The following CD80 variants were observed in gnomAD, a reference collection of about 807,000 sequenced individuals.
CD80 encodes CD80 molecule, also known as T-lymphocyte activation antigen CD80.
In CD80, 13 loss-of-function variants were observed where a neutral mutation model predicts 27.1. The observed-to-expected ratio is 0.48, with a 90% CI of 0.31 to 0.76. The LOEUF (loss-of-function observed/expected upper bound fraction) is 0.76. Ranked by LOEUF, CD80 falls within the 30% of genes least tolerant of loss-of-function variation. The probability of loss-of-function intolerance (pLI) is 0.04; values close to 1 mark genes in which losing one functional copy is unlikely to be tolerated. For synonymous variants in CD80, 125 were observed against 125.5 expected (o/e 1.00, Z 0.03); for missense variants, 277 against 347.9 (o/e 0.80, Z 1.62).
chr3:119,527,120 G>A (rs2082071527), intron 6 of CD80, among the ~76,000 whole-genome samples: 1 of 152,172 alleles, frequency 6.6e-6, no homozygotes, highest in South Asian at 2.1e-4. Flanking sequence ...GTGAGGCACT[G>A]GAAACCATGC....
chr3:119,545,067 G>A (rs2082193414), intron 2 of CD80, among the ~76,000 whole-genome samples, 200 bp from the exon 3 acceptor site: 1 of 152,122 alleles, frequency 6.6e-6, no homozygotes, highest in Non-Finnish European at 1.5e-5. Flanking sequence ...CAACAGGCTG[G>A]GCGTGGTGGC....
intron 4 of CD80, 117 bp from the exon 5 acceptor site, chr3:119,530,054 T>A: frequency 1.5e-6 from 1 of 659,864 alleles, no homozygotes; most frequent in Non-Finnish European, 2.6e-6. Flanking sequence ...AGCTCTCCAG[T>A]ATGCAGCTGC....
chr3:119,542,660 T>G (rs1465496543), intron 3 of CD80, among the ~76,000 whole-genome samples: 1 of 152,196 alleles, frequency 6.6e-6, no homozygotes, highest in African/African-American at 2.4e-5. Context: ...ATCTTGCTTC[T>G]AACCTCCAAG....
chr3:119,546,424 T>C (rs1225079353), intron 2 of CD80, among the ~76,000 whole-genome samples: 1 of 152,210 alleles, frequency 6.6e-6, no homozygotes, highest in African/African-American at 2.4e-5. Context: ...AGATATGTAT[T>C]ATTTTCCCCA....
At chr3:119,549,410 C>T (rs1323073394) in intron 2 of CD80, among the ~76,000 whole-genome samples, 1 of 152,194 alleles carries the variant, frequency 6.6e-6, no homozygotes, top group African/African-American at 2.4e-5. Flanking sequence ...GGTCATTCTT[C>T]CTAGGCTCTT....
chr3:119,526,159 G>A lies in CD80; in HGVS notation c.*39-410C>T, dbSNP rs540005758. On this transcript the variant is annotated intron_variant, in intron 6 of 6. Transcript: ENST00000264246. The stretch of plus-strand genomic sequence containing the variant: ...ACTCTTCTATGTGTGGGGCTCTCAG[G>A]CATGGTTGCTTTTCTCAATAAACCT... Among the ~76,000 whole-genome samples the A allele has an allele frequency of 5.3e-5, 8 of 152,174 alleles. No homozygotes were observed. In the East Asian group the frequency reaches 1.5e-3, roughly 29 times the overall value.
intron 2 of CD80, among the ~76,000 whole-genome samples, chr3:119,545,464 T>G (rs1429654262): frequency 1.3e-5 from 2 of 152,340 alleles, no homozygotes; most frequent in Admixed American, 1.3e-4. Flanking sequence ...AATTTTCATT[T>G]TGCAAATCTG....
chr3:119,527,848 G>A lies in CD80; in HGVS notation c.797-7C>T, dbSNP rs1261005379. On this transcript the variant is annotated splice_polypyrimidine_tract_variant and splice_region_variant and intron_variant, in intron 5 of 6. Transcript: ENST00000264246. ...CTGCATCTTGGGGCAAAGCCTTGGAGACAAGAACAAACAATAAAAATGATA... is the reference window on the plus strand; with the variant it reads ...CTGCATCTTGGGGCAAAGCCTTGGAAACAAGAACAAACAATAAAAATGATA... 1.9e-6 allele frequency: 3 copies of A among 1,610,906 alleles called. No individual in the cohort carries two copies. Among genetic ancestry groups the A allele is most frequent in the Non-Finnish European group, 2.5e-6 (3 of 1,177,272 alleles).
rs41271391 is a variant in CD80, at chr3:119,559,610, G to T, written c.-371C>A. 25,455 of 152,058 alleles carry T rather than the reference G, an allele frequency of 0.17. 2,480 individuals are homozygous for T. The highest frequency in any genetic ancestry group is 0.27 in the South Asian group (1,312 of 4,808). The allele number at this position is 152,058 out of a possible 1,614,324, so 9.4% of individuals were successfully genotyped here. ...TTCTAACTTCTGTTACTTTACAGAGGGTTTGAGTTCACTCAGTACTTGTCA... is the reference window on the plus strand; with the variant it reads ...TTCTAACTTCTGTTACTTTACAGAGTGTTTGAGTTCACTCAGTACTTGTCA... On this transcript the variant is annotated 5_prime_UTR_variant, in exon 1 of 7. Coordinates refer to ENST00000264246, the MANE Select transcript of CD80 (RefSeq NM_005191.4).
chr3:119,557,190 T>G lies in CD80; in HGVS notation c.100+439A>C, dbSNP rs80182568. ...AATTGTCCTCAACTACTCTCCCGCC[T>G]TCAGATTGGAAAGAAGATCACCATT... is the stretch of plus-strand genomic sequence containing the variant. On this transcript the variant is annotated intron_variant, in intron 2 of 6. Coordinates refer to ENST00000264246, the MANE Select transcript of CD80 (RefSeq NM_005191.4). Among the ~76,000 whole-genome samples the G allele has an allele frequency of 2.1e-3, 327 of 152,278 alleles. 2 individuals carry two copies. The highest frequency in any genetic ancestry group is 7.6e-3 in the African/African-American group (315 of 41,548).
At chr3:119,545,352 A>C (rs1276607028) in intron 2 of CD80, among the ~76,000 whole-genome samples, 1 of 152,142 alleles carries the variant, frequency 6.6e-6, no homozygotes, top group Non-Finnish European at 1.5e-5. Context: ...AAACAAACAA[A>C]CAAACAAACA....
chr3:119,525,503 GC>G lies in CD80; in HGVS notation c.*284del, dbSNP rs1230574115. On this transcript the variant is annotated 3_prime_UTR_variant, in exon 7 of 7. Coordinates refer to ENST00000264246, the MANE Select transcript of CD80 (RefSeq NM_005191.4). ...TCGGGTCACCTCCCTGGGCCTCAGT[GC>G]CTTTGTCATTAATAACACTGGTATT... The G allele has an allele frequency of 1.3e-5, 2 of 152,218 alleles. No individual in the cohort carries two copies. Among genetic ancestry groups the G allele is most frequent in the African/African-American group, 4.8e-5 (2 of 41,438 alleles). The allele number at this position is 152,218 out of a possible 1,614,324, so 9.4% of individuals were successfully genotyped here.
chr3:119,555,432 C>A (rs902670619), intron 2 of CD80, among the ~76,000 whole-genome samples: 1 of 152,220 alleles, frequency 6.6e-6, no homozygotes, highest in Admixed American at 6.5e-5. Context: ...AACCCCCAGG[C>A]TATTGGTATG....
chr3:119,529,987 G>T, intron 4 of CD80, 50 bp from the exon 5 acceptor site: 1 of 1,308,586 alleles, frequency 7.6e-7, no homozygotes, highest in Non-Finnish European at 1.1e-6. Flanking sequence ...CCTACTGCCT[G>T]ATACTCATTC....
chr3:119,528,311 G>A (rs781326543), intron 5 of CD80, among the ~76,000 whole-genome samples: 15 of 152,024 alleles, frequency 9.9e-5, no homozygotes, highest in Non-Finnish European at 2.1e-4. Context: ...TGAGCTTTGG[G>A]TTTTTTTGGT....
At chr3:119,534,862 T>G (rs780027681) in intron 4 of CD80, among the ~76,000 whole-genome samples, 123 of 152,264 alleles carry the variant, frequency 8.1e-4, no homozygotes, top group Middle Eastern at 3.4e-3. Flanking sequence ...TTTGAACTAA[T>G]TTTCCCAGGA....
intron 2 of CD80, among the ~76,000 whole-genome samples, chr3:119,545,698 A>G (rs2082198809): frequency 6.6e-6 from 1 of 152,076 alleles, no homozygotes; most frequent in Non-Finnish European, 1.5e-5. Flanking sequence ...TGGAATGGTA[A>G]TGATATGATC....
chr3:119,535,789 C>T (rs950670403), intron 4 of CD80, among the ~76,000 whole-genome samples: 3 of 152,096 alleles, frequency 2.0e-5, no homozygotes, highest in Middle Eastern at 3.2e-3. Flanking sequence ...TGTTTGGCAC[C>T]ATGGAACCGT....
At chr3:119,529,740 A>C (rs1000533706) in intron 5 of CD80, 102 bp downstream of exon 5, 2 of 757,378 alleles carry the variant, frequency 2.6e-6, no homozygotes, top group Non-Finnish European at 4.6e-6. Flanking sequence ...TGCTGTAAAC[A>C]TGAGAAGCGA....
Sources: gnomAD v4.1 joint callset for allele counts (sites outside exome capture counted in the v4.1 genomes callset) on GRCh38, gnomAD v4.1.1 for gene constraint, MANE v1.5 for transcripts, NCBI Gene and HGNC (gene_info 2026-07-23, HGNC 2026-07-21) for gene names.